Variants in PCDHA10 observed in about 807,000 individuals in gnomAD.
The protein encoded by PCDHA10 is protocadherin alpha-10.
A neutral mutation model predicts 61.2 loss-of-function variants in PCDHA10; 45 were observed. The ratio of observed to expected loss-of-function variants is 0.74; its 90% CI spans 0.58 to 0.94. PCDHA10 has a LOEUF of 0.94. Among genes scored for constraint, PCDHA10 ranks in the 40% least tolerant of loss-of-function variants. PCDHA10 has a pLI of 0.00. For missense variants in PCDHA10, 1,278 were observed against 1,236.2 expected (o/e 1.03, Z -0.51); for synonymous variants, 602 against 548.8 (o/e 1.10, Z -1.35).
chr5:140,928,733 A>G (rs1435823697), intron 1 of PCDHA10: 2 of 1,614,100 alleles, frequency 1.2e-6, no homozygotes, highest in Non-Finnish European at 1.7e-6. Context: ...ATTTCAGCCA[A>G]TATAGGTGAG....
At chr5:140,972,622 T>C (rs1554234253) in intron 1 of PCDHA10, among the ~76,000 whole-genome samples, 1 of 151,940 alleles carries the variant, frequency 6.6e-6, no homozygotes, top group African/African-American at 2.4e-5. Flanking sequence ...CTGAATGTTG[T>C]TGGCACTCCC....
intron 1 of PCDHA10, among the ~76,000 whole-genome samples, chr5:140,897,748 C>G (rs565250286): frequency 6.6e-5 from 10 of 152,214 alleles, no homozygotes; most frequent in Non-Finnish European, 1.5e-4. Flanking sequence ...GTTCTAGATC[C>G]CTGAGGAATC....
At chr5:140,972,917 C>T (rs1279060017) in intron 1 of PCDHA10, among the ~76,000 whole-genome samples, 1 of 152,074 alleles carries the variant, frequency 6.6e-6, no homozygotes, top group Non-Finnish European at 1.5e-5. Context: ...CCGCCTTGGC[C>T]TCCCAAAGTG....
rs147440301 is a variant in PCDHA10, at chr5:140,924,523, G to A, written c.2389-54426G>A. On this transcript the variant is annotated intron_variant, in intron 1 of 3. Transcript: ENST00000307360. ...AATCCCACTCTTAGTGTTAAAAAGA[G>A]AATGCCCGAGCTACCCCTCTCCCCA... is the stretch of plus-strand genomic sequence containing the variant. Among the ~76,000 whole-genome samples, 1,224 of 152,202 alleles carry A rather than the reference G, an allele frequency of 8.0e-3. 6 individuals carry two copies. The highest frequency in any genetic ancestry group is 0.019 in the African/African-American group (791 of 41,530).
chr5:140,974,661 G>A (rs542677478), intron 1 of PCDHA10, among the ~76,000 whole-genome samples: 4 of 152,066 alleles, frequency 2.6e-5, no homozygotes, highest in South Asian at 4.2e-4. Context: ...ACAGGCATGC[G>A]CCACCATGCC....
rs1478499072 is a variant in PCDHA10 at position 140,882,356 on chromosome 5, C to T, written c.2388+23920C>T. 4 of 1,614,070 alleles carry T rather than the reference C, an allele frequency of 2.5e-6. No individual in the cohort carries two copies. The Admixed American group carries it at 5.0e-5, about 20-fold the overall frequency. On this transcript the variant is annotated intron_variant, in intron 1 of 3. Coordinates refer to ENST00000307360, the MANE Select transcript of PCDHA10 (RefSeq NM_018901.4). ...CGCAGCCTGGGAGACGGGTAGTGGC[C>T]AGCTCCACTACTCCGTCCCCGAGGA... is the stretch of plus-strand genomic sequence containing the variant.
chr5:140,894,892 G>T (rs941698896), intron 1 of PCDHA10, among the ~76,000 whole-genome samples: 8 of 152,060 alleles, frequency 5.3e-5, no homozygotes, highest in Non-Finnish European at 1.0e-4. Flanking sequence ...AACAGACCAG[G>T]ATAATTTTCC....
intron 1 of PCDHA10, chr5:140,877,170 G>A (rs782615376): frequency 6.2e-7 from 1 of 1,613,712 alleles, no homozygotes. Flanking sequence ...CGGCACTGCT[G>A]GCGACTCCGG....
At chr5:140,906,340 C>T (rs1353616474) in intron 1 of PCDHA10, among the ~76,000 whole-genome samples, 1 of 152,138 alleles carries the variant, frequency 6.6e-6, no homozygotes, top group Non-Finnish European at 1.5e-5. Flanking sequence ...CTTCATACAA[C>T]CAAGAATGCA....
At chr5:140,960,855 A>T (rs1363929142) in intron 1 of PCDHA10, among the ~76,000 whole-genome samples, 1 of 152,204 alleles carries the variant, frequency 6.6e-6, no homozygotes, top group Non-Finnish European at 1.5e-5. Context: ...GGCAACTATA[A>T]GCCAGAAATT....
chr5:140,874,745 A>G (rs2055087824), intron 1 of PCDHA10, among the ~76,000 whole-genome samples: 2 of 152,242 alleles, frequency 1.3e-5, no homozygotes, highest in African/African-American at 4.8e-5. Flanking sequence ...GCATCAAGGA[A>G]CCAAACAATA....
chr5:140,883,683 G>A lies in PCDHA10; in HGVS notation c.2388+25247G>A, dbSNP rs1015362604. ...GTGAAGGAAAACAATCCGCCGGGCT[G>A]CCACATCTTCACGGTGTCTGCTCAG... On this transcript the variant is annotated intron_variant, in intron 1 of 3. Transcript: ENST00000307360. 4 of 1,613,808 alleles carry A rather than the reference G, an allele frequency of 2.5e-6. No individual in the cohort carries two copies. Among genetic ancestry groups the A allele is most frequent in the Non-Finnish European group, 3.4e-6 (4 of 1,179,896 alleles).
chr5:140,980,695 G>A (rs1403740157), intron 2 of PCDHA10, among the ~76,000 whole-genome samples: 1 of 149,792 alleles, frequency 6.7e-6, no homozygotes, highest in Non-Finnish European at 1.5e-5. Context: ...AAAAAAAAAA[G>A]CCAAATGTGC....
At chr5:140,862,745 A>G (rs1403297614) in intron 1 of PCDHA10, 1 of 578,200 alleles carries the variant, frequency 1.7e-6, no homozygotes, top group Non-Finnish European at 3.3e-6. Context: ...GTGTGGGTGC[A>G]CGCGGAGAGC....
chr5:140,970,927 G>A (rs1481513155), intron 1 of PCDHA10, among the ~76,000 whole-genome samples: 2 of 152,150 alleles, frequency 1.3e-5, no homozygotes, highest in African/African-American at 4.8e-5. Flanking sequence ...GAAGTGCCTG[G>A]TGTTAGTCAA....
At chr5:140,980,728 A>T (rs1268236317) in intron 2 of PCDHA10, among the ~76,000 whole-genome samples, 1 of 152,168 alleles carries the variant, frequency 6.6e-6, no homozygotes, top group African/African-American at 2.4e-5. Context: ...TTCAATTAAG[A>T]TATTATGAGA....
intron 1 of PCDHA10, chr5:140,871,313 C>A (rs371295919): frequency 1.4e-5 from 23 of 1,613,924 alleles, no homozygotes; most frequent in African/African-American, 9.3e-5. Context: ...GGGAAGCCCA[C>A]GCTGGTGTGC....
intron 3 of PCDHA10, among the ~76,000 whole-genome samples, chr5:140,987,919 A>G (rs1441531471): frequency 1.3e-5 from 2 of 152,082 alleles, no homozygotes; most frequent in East Asian, 3.9e-4. Context: ...TATATTCTTA[A>G]TTGTCTCAAG....
chr5:140,863,884 C>T (rs1388458800), intron 1 of PCDHA10: 1 of 167,076 alleles, frequency 6.0e-6, no homozygotes, highest in Non-Finnish European at 1.3e-5. Flanking sequence ...ACCTGTAATC[C>T]CAGCTACTCA....
Sources: gnomAD v4.1 joint callset for allele counts (sites outside exome capture counted in the v4.1 genomes callset) on GRCh38, gnomAD v4.1.1 for gene constraint, MANE v1.5 for transcripts, NCBI Gene and HGNC (gene_info 2026-07-23, HGNC 2026-07-21) for gene names.